The following AKAP19 variants were observed in gnomAD, a reference collection of about 807,000 sequenced individuals.
The protein encoded by AKAP19 is A-kinase anchoring protein 19, also known as small A-kinase anchoring protein.
chr2:190,200,289 C>A, the AKAP19 span: 1 of 702,926 alleles, frequency 1.4e-6, no homozygotes, highest in Non-Finnish European at 2.4e-6. Flanking sequence ...ATAAGAACAA[C>A]TAGGATGAAA....
chr2:190,074,529 T>TA, the AKAP19 span, among the ~76,000 whole-genome samples: 3 of 152,082 alleles, frequency 2.0e-5, no homozygotes, highest in Admixed American at 1.3e-4. Context: ...CGCGTGCCTC[T>TA]AGTCCCAGCT....
the AKAP19 span, among the ~76,000 whole-genome samples, chr2:190,119,668 C>T: frequency 1.3e-5 from 2 of 152,166 alleles, no homozygotes; most frequent in Admixed American, 6.5e-5. Flanking sequence ...GCGAAAAAAC[C>T]TTCCAATAAC....
chr2:190,198,631 CAAAAAAAAA>C, the AKAP19 span, among the ~76,000 whole-genome samples: 61 of 70,596 alleles, frequency 8.6e-4, 1 homozygote, highest in Middle Eastern at 0.02. Flanking sequence ...GACCCTGTCT[CAAAAAAAAA>C]AAAAAAAAAA....
chr2:190,199,578 GTTTTTAC>G, the AKAP19 span: 1 of 434,642 alleles, frequency 2.3e-6, no homozygotes, highest in Non-Finnish European at 3.6e-6. Context: ...AAAGCTGTTT[GTTTTTAC>G]CTCAGATTTC....
the AKAP19 span, among the ~76,000 whole-genome samples, chr2:189,966,837 T>C: frequency 7.2e-5 from 11 of 152,186 alleles, 1 homozygote; most frequent in Admixed American, 1.3e-4. Context: ...AATCTATAAT[T>C]ATCTCAATAC....
At chr2:189,885,244 C>T in the AKAP19 span, among the ~76,000 whole-genome samples, 5 of 152,184 alleles carry the variant, frequency 3.3e-5, no homozygotes, top group Admixed American at 1.3e-4. Context: ...TCCAAAACTA[C>T]GTCATAGAAA....
At chr2:190,005,291 A>T in the AKAP19 span, among the ~76,000 whole-genome samples, 129 of 152,180 alleles carry the variant, frequency 8.5e-4, no homozygotes, top group Non-Finnish European at 1.6e-3. Flanking sequence ...CCCTGCCCAC[A>T]TCCTGCTGAT....
At chr2:189,979,463 A>G in the AKAP19 span, among the ~76,000 whole-genome samples, 1 of 152,216 alleles carries the variant, frequency 6.6e-6, no homozygotes, top group South Asian at 2.1e-4. Flanking sequence ...TAAGACCTCA[A>G]ACTATAAATG....
the AKAP19 span, among the ~76,000 whole-genome samples, chr2:190,009,821 G>C: frequency 6.6e-6 from 1 of 151,990 alleles, no homozygotes; most frequent in African/African-American, 2.4e-5. Context: ...CCAACATTAA[G>C]AGGATGGGGA....
At chr2:189,923,199 G>C in the AKAP19 span, 2 of 739,584 alleles carry the variant, frequency 2.7e-6, no homozygotes, top group Non-Finnish European at 4.5e-6. Context: ...AAGACTGAGC[G>C]GTTGCGGCCG....
chr2:190,146,161 T>C, the AKAP19 span, among the ~76,000 whole-genome samples: 1 of 152,074 alleles, frequency 6.6e-6, no homozygotes, highest in Non-Finnish European at 1.5e-5. Context: ...ACCCTCCCAA[T>C]CTTCCCCCAG....
chr2:189,950,474 C>T, the AKAP19 span, among the ~76,000 whole-genome samples: 5 of 151,730 alleles, frequency 3.3e-5, no homozygotes, highest in Admixed American at 3.3e-4. Context: ...AAGTCTCTAC[C>T]TTCAGACCAG....
At chr2:189,929,041 G>A in the AKAP19 span, among the ~76,000 whole-genome samples, 1 of 152,180 alleles carries the variant, frequency 6.6e-6, no homozygotes, top group Admixed American at 6.5e-5. Flanking sequence ...ACATTAAATG[G>A]AAGAAAAAAT....
chr2:190,141,374 C>A, the AKAP19 span, among the ~76,000 whole-genome samples: 11 of 152,300 alleles, frequency 7.2e-5, no homozygotes, highest in South Asian at 2.1e-4. Flanking sequence ...AGTCTCTTCT[C>A]ACACTGCTGT....
At chr2:190,091,432 A>G in the AKAP19 span, among the ~76,000 whole-genome samples, 13 of 152,214 alleles carry the variant, frequency 8.5e-5, no homozygotes, top group Admixed American at 2.6e-4. Context: ...TTCAAACTGT[A>G]CTAAAATATG....
chr2:189,886,588 C>T, the AKAP19 span, among the ~76,000 whole-genome samples: 44 of 152,200 alleles, frequency 2.9e-4, no homozygotes, highest in African/African-American at 8.7e-4. Flanking sequence ...AATGTTAAGT[C>T]GGAAGAATAG....
the AKAP19 span, among the ~76,000 whole-genome samples, chr2:190,128,087 T>C: frequency 6.6e-6 from 1 of 152,180 alleles, no homozygotes; most frequent in Admixed American, 6.6e-5. Context: ...AATGTGGAAA[T>C]ACAGCTATAT....
the AKAP19 span, among the ~76,000 whole-genome samples, chr2:190,198,579 C>T: frequency 0.32 from 45,803 of 144,790 alleles, 7,659 homozygotes; most frequent in East Asian, 0.48. Context: ...CTACAGTGAG[C>T]CGTGATTGCA....
the AKAP19 span, among the ~76,000 whole-genome samples, chr2:190,063,180 C>G: frequency 6.6e-6 from 1 of 151,558 alleles, no homozygotes; most frequent in Non-Finnish European, 1.5e-5. Context: ...TTTTTAGTGC[C>G]AAGTAATTAG....
Sources: allele counts gnomAD v4.1 joint callset (sites outside exome capture counted in the v4.1 genomes callset), GRCh38; gene constraint gnomAD v4.1.1; transcripts MANE v1.5; gene names NCBI Gene and HGNC (gene_info 2026-07-23, HGNC 2026-07-21).